COX15: variants seen among roughly 807,000 people sequenced by gnomAD.
COX15 encodes the protein heme A synthase COX15.
In COX15, 51 loss-of-function variants were observed where a neutral mutation model predicts 51.9. That is an observed-to-expected ratio of 0.98 (90% CI 0.78 to 1.24). The LOEUF (loss-of-function observed/expected upper bound fraction) is 1.24, where lower values mean the gene tolerates loss of function less well. Among genes scored for constraint, COX15 ranks in the 50% most tolerant of loss-of-function variants. The pLI is 0.00. For missense variants in COX15, 420 were observed against 501.1 expected, an observed-to-expected ratio of 0.84 and a Z score of 1.55; for synonymous variants, 188 against 190.5, an observed-to-expected ratio of 0.99 and a Z score of 0.11.
At chr10:99,709,690 C>G (rs2036325065), downstream of COX15, 1 of 985,314 alleles carries the variant, frequency 1.0e-6, no homozygotes, top group African/African-American at 1.7e-5. Flanking sequence ...ACCCTGTTTT[C>G]TGTTTCTGCA....
downstream of COX15, among the ~76,000 whole-genome samples, chr10:99,706,434 C>A (rs2036254753): frequency 6.6e-6 from 1 of 151,946 alleles, no homozygotes; most frequent in South Asian, 2.1e-4. Flanking sequence ...CTCCTGGGCT[C>A]AAACAGTCCT....
intron 4 of COX15, among the ~76,000 whole-genome samples, chr10:99,724,981 G>C (rs138586036): frequency 6.6e-6 from 1 of 152,356 alleles, no homozygotes; most frequent in African/African-American, 2.4e-5. Flanking sequence ...GAAACCTGCA[G>C]TTGAATGCCA....
intron 6 of COX15, among the ~76,000 whole-genome samples, chr10:99,718,889 CCCTT>C (rs1160513008): frequency 6.6e-6 from 1 of 152,172 alleles, no homozygotes; most frequent in Non-Finnish European, 1.5e-5. Flanking sequence ...ATGACTGACT[CCCTT>C]ATTTCCTCAG....
At chr10:99,700,387 A>G in the COX15 span, among the ~76,000 whole-genome samples, 4 of 147,568 alleles carry the variant, frequency 2.7e-5, no homozygotes, top group East Asian at 6.0e-4. Flanking sequence ...ATGTTATCCA[A>G]CGTACCGTGT....
downstream of COX15, chr10:99,709,384 C>A (rs1369075210): frequency 5.1e-6 from 5 of 985,296 alleles, no homozygotes; most frequent in African/African-American, 5.2e-5. Context: ...GTTTCAAATT[C>A]TCCCATATTA....
downstream of COX15, chr10:99,710,085 C>T (rs905401017): frequency 4.1e-6 from 4 of 985,272 alleles, no homozygotes; most frequent in African/African-American, 3.5e-5. Flanking sequence ...CATGTCTGCT[C>T]CTGAGCCTCT....
chr10:99,697,846 A>C, the COX15 span: 1 of 152,720 alleles, frequency 6.5e-6, no homozygotes, highest in Non-Finnish European at 1.5e-5. Context: ...CCCCAACTTA[A>C]TTTCTGTCCT....
chr10:99,698,818 G>T, the COX15 span: 2 of 1,610,922 alleles, frequency 1.2e-6, no homozygotes, highest in African/African-American at 1.3e-5. Context: ...TTGCGCATTG[G>T]TGGCCGCTAC....
chr10:99,698,472 A>T, the COX15 span: 32 of 1,498,062 alleles, frequency 2.1e-5, no homozygotes, highest in South Asian at 3.9e-4. Flanking sequence ...TGTGTTTCTT[A>T]GACTAGGTTG....
chr10:99,705,552 AC>A, the COX15 span: 1 of 152,206 alleles, frequency 6.6e-6, no homozygotes, highest in African/African-American at 2.4e-5. Flanking sequence ...GAGCCCTTAC[AC>A]AGGAAGATAT....
chr10:99,731,998 G>A lies in COX15; in HGVS notation c.52C>T (p.Leu18=). 2 of 1,612,998 alleles carry A rather than the reference G, an allele frequency of 1.2e-6. No homozygotes were observed. Among genetic ancestry groups the A allele is most frequent in the Non-Finnish European group, 1.7e-6 (2 of 1,179,754 alleles). The part of the protein sequence containing the change: ...PLRALKGRQY[L]PLLAPRAAPR... ...GCTGCCCTAGGAGCCAGGAGCGGCA[G>A]ATACTGCCTCCCCTTCAAGGCCCTC... The change falls in exon 1 of 9, where the codon CTG becomes TTG. Residue 18 remains leucine, a synonymous_variant. Transcript: ENST00000016171.
intron 5 of COX15, among the ~76,000 whole-genome samples, chr10:99,722,682 A>T (rs995360073): frequency 6.6e-6 from 1 of 151,862 alleles, no homozygotes; most frequent in Non-Finnish European, 1.5e-5. Flanking sequence ...AAAATACAGA[A>T]AATTAGCCGA....
the COX15 span, among the ~76,000 whole-genome samples, chr10:99,699,487 T>C: frequency 6.6e-6 from 1 of 152,256 alleles, no homozygotes; most frequent in Non-Finnish European, 1.5e-5. Context: ...CATTTTCTGC[T>C]TTATTTAGGG....
the COX15 span, chr10:99,698,501 T>G: frequency 2.6e-6 from 4 of 1,559,890 alleles, no homozygotes; most frequent in East Asian, 9.0e-5. Flanking sequence ...CATGACGTGT[T>G]TGTTTGTTTG....
At chr10:99,716,487 A>G (rs1246838884) in intron 7 of COX15, 26 bp from the exon 8 acceptor site, 3 of 1,517,510 alleles carry the variant, frequency 2.0e-6, no homozygotes, top group Non-Finnish European at 2.7e-6. Flanking sequence ...AGTCTATCAC[A>G]TTAGATAGAA....
At chr10:99,708,450 T>A (rs1458094251), downstream of COX15, among the ~76,000 whole-genome samples, 1 of 152,226 alleles carries the variant, frequency 6.6e-6, no homozygotes, top group Non-Finnish European at 1.5e-5. Context: ...GGATTCTAGT[T>A]CTGGCTTTGT....
chr10:99,725,390 T>C (rs1409686989), intron 4 of COX15, among the ~76,000 whole-genome samples: 1 of 152,232 alleles, frequency 6.6e-6, no homozygotes, highest in East Asian at 1.9e-4. Flanking sequence ...CTGACATCTT[T>C]AATTTCTGCC....
intron 1 of COX15, among the ~76,000 whole-genome samples, chr10:99,731,094 T>TA (rs2037125721): frequency 6.6e-6 from 1 of 152,074 alleles, no homozygotes; most frequent in African/African-American, 2.4e-5. Context: ...AGATTTTTTT[T>TA]TAAAAAAAAG....
At chr10:99,695,320 C>G in the COX15 span, among the ~76,000 whole-genome samples, 1 of 151,948 alleles carries the variant, frequency 6.6e-6, no homozygotes, top group Non-Finnish European at 1.5e-5. Flanking sequence ...GTCAAGAGAT[C>G]GAGAACATCC....
Sources: gnomAD v4.1 joint callset for allele counts (sites outside exome capture counted in the v4.1 genomes callset) on GRCh38, gnomAD v4.1.1 for gene constraint, MANE v1.5 for transcripts, NCBI Gene and HGNC (gene_info 2026-07-23, HGNC 2026-07-21) for gene names.